Variants in TENM2 observed in about 807,000 individuals in gnomAD.
TENM2 encodes the protein teneurin transmembrane protein 2.
Under a neutral mutation model 245.2 loss-of-function variants are expected in TENM2, and 52 were observed. That is an observed-to-expected ratio of 0.21 (90% CI 0.17 to 0.27). TENM2 has a LOEUF of 0.27. TENM2 is among the 10% of genes least tolerant of loss of function. The pLI is 1.00. For synonymous variants in TENM2, 1,363 were observed against 1,438.9 expected (o/e 0.95, Z 1.19); for missense variants, 3,046 against 3,666.8 (o/e 0.83, Z 4.37).
the TENM2 span, among the ~76,000 whole-genome samples, chr5:167,068,430 T>C: frequency 6.6e-6 from 1 of 152,198 alleles, no homozygotes; most frequent in Non-Finnish European, 1.5e-5. Flanking sequence ...TGATAAATAA[T>C]GAGAGAGGAA....
At chr5:167,606,627 C>A (rs1156583156) in intron 2 of TENM2, among the ~76,000 whole-genome samples, 1 of 152,030 alleles carries the variant, frequency 6.6e-6, no homozygotes, top group South Asian at 2.1e-4. Context: ...AGTTCCCAAC[C>A]CCGACTACAC....
chr5:167,312,929 G>A (rs1756129010), intron 1 of TENM2, among the ~76,000 whole-genome samples: 1 of 147,974 alleles, frequency 6.8e-6, no homozygotes, highest in African/African-American at 2.5e-5. Flanking sequence ...TTTAAATGGA[G>A]CCTCCTTCTG....
At chr5:167,692,077 C>T (rs760333272) in intron 2 of TENM2, among the ~76,000 whole-genome samples, 13 of 152,178 alleles carry the variant, frequency 8.5e-5, no homozygotes, top group Middle Eastern at 3.4e-3. Context: ...TTCCTGCCCT[C>T]TTTGCCACCC....
chr5:167,214,869 A>T, the TENM2 span, among the ~76,000 whole-genome samples: 1 of 152,206 alleles, frequency 6.6e-6, no homozygotes, highest in Non-Finnish European at 1.5e-5. Flanking sequence ...CTGGAACTGT[A>T]ACCACAGCAG....
intron 2 of TENM2, among the ~76,000 whole-genome samples, chr5:167,618,954 G>C (rs1000480891): frequency 6.6e-6 from 1 of 152,116 alleles, no homozygotes; most frequent in Non-Finnish European, 1.5e-5. Flanking sequence ...TCTTTGAGTA[G>C]TGAGTACCCC....
the TENM2 span, among the ~76,000 whole-genome samples, chr5:167,243,070 G>A: frequency 5.9e-5 from 9 of 152,130 alleles, no homozygotes; most frequent in East Asian, 1.4e-3. Context: ...GAAAAGATGG[G>A]TGTAGACACA....
chr5:168,082,991 G>A lies in TENM2; in HGVS notation c.1516-7583G>A, dbSNP rs1157641266. On this transcript the variant is annotated intron_variant, in intron 7 of 28. Coordinates refer to ENST00000518659, the Ensembl canonical transcript of TENM2. ...ACTCTCTTCATAGCTGTCAGACAGG[G>A]ATGTTTAAGTCTGCAGAAGTTTCTA... 2.6e-5 allele frequency among the ~76,000 whole-genome samples: 4 copies of A among 152,278 alleles called. No homozygotes were observed. The South Asian group carries it at 8.3e-4, about 32-fold the overall frequency.
At chr5:167,102,117 T>G in the TENM2 span, among the ~76,000 whole-genome samples, 1 of 150,600 alleles carries the variant, frequency 6.6e-6, no homozygotes, top group African/African-American at 2.4e-5. Context: ...TCTCAGCTAC[T>G]CAGGGGGCTG....
chr5:167,372,614 G>T (rs1760503994), intron 1 of TENM2, among the ~76,000 whole-genome samples: 1 of 152,186 alleles, frequency 6.6e-6, no homozygotes. Context: ...CATTTTAAAT[G>T]GGATTACATA....
chr5:168,074,692 T>C (rs1257469103), intron 7 of TENM2, among the ~76,000 whole-genome samples: 1 of 152,080 alleles, frequency 6.6e-6, no homozygotes, highest in Non-Finnish European at 1.5e-5. Context: ...ATCAGCTCAC[T>C]TGCTCTCCCT....
At chr5:167,101,847 A>G in the TENM2 span, among the ~76,000 whole-genome samples, 3 of 95,188 alleles carry the variant, frequency 3.2e-5, 1 homozygote, top group Non-Finnish European at 5.8e-5. Context: ...ATATATATAT[A>G]TTTATATATA....
chr5:167,142,442 C>G, the TENM2 span, among the ~76,000 whole-genome samples: 3 of 151,818 alleles, frequency 2.0e-5, no homozygotes, highest in South Asian at 6.2e-4. Context: ...TTCCAGGTGG[C>G]AAGCTCTCAA....
intron 7 of TENM2, among the ~76,000 whole-genome samples, chr5:168,072,796 A>G (rs1483831301): frequency 6.6e-6 from 1 of 152,234 alleles, no homozygotes; most frequent in Non-Finnish European, 1.5e-5. Context: ...AGATGAATCA[A>G]TCAATCTAAC....
intron 2 of TENM2, among the ~76,000 whole-genome samples, chr5:167,574,389 G>A (rs912664091): frequency 3.3e-5 from 5 of 152,112 alleles, no homozygotes; most frequent in Non-Finnish European, 7.4e-5. Context: ...TTAAACCCTA[G>A]GAGACAGCTG....
chr5:168,000,734 T>A (rs1784362866), intron 5 of TENM2, among the ~76,000 whole-genome samples: 1 of 152,204 alleles, frequency 6.6e-6, no homozygotes, highest in South Asian at 2.1e-4. Flanking sequence ...CACGATAGAT[T>A]GATGTAACAA....
At chr5:167,155,487 C>G in the TENM2 span, among the ~76,000 whole-genome samples, 48 of 152,270 alleles carry the variant, frequency 3.2e-4, no homozygotes, top group Non-Finnish European at 5.3e-4. Flanking sequence ...GCCCCTGAAC[C>G]CTTTTTAGCA....
At chr5:167,210,430 T>C in the TENM2 span, among the ~76,000 whole-genome samples, 2 of 151,386 alleles carry the variant, frequency 1.3e-5, no homozygotes, top group Non-Finnish European at 2.9e-5. Flanking sequence ...AACTGCCAAA[T>C]CTGTTTGCAC....
chr5:167,595,432 A>AT (rs1380076813), intron 2 of TENM2, among the ~76,000 whole-genome samples: 1 of 152,178 alleles, frequency 6.6e-6, no homozygotes, highest in Non-Finnish European at 1.5e-5. Context: ...AACTGACTGG[A>AT]TTTTGTCCCA....
the TENM2 span, among the ~76,000 whole-genome samples, chr5:167,111,308 A>C: frequency 6.6e-6 from 1 of 152,196 alleles, no homozygotes; most frequent in East Asian, 1.9e-4. Flanking sequence ...GCCAGTTTTA[A>C]CAACTGATGC....
Sources: allele counts gnomAD v4.1 joint callset (sites outside exome capture counted in the v4.1 genomes callset), GRCh38; gene constraint gnomAD v4.1.1; transcripts MANE v1.5; gene names NCBI Gene and HGNC (gene_info 2026-07-23, HGNC 2026-07-21).